The following UXS1 variants were observed in gnomAD, a reference collection of about 807,000 sequenced individuals.
UXS1 encodes UDP-glucuronate decarboxylase 1, also known as UDP-glucuronic acid decarboxylase 1.
In UXS1, 33 loss-of-function variants were observed where a neutral mutation model predicts 62.6. The observed-to-expected ratio is 0.53, with a 90% CI of 0.40 to 0.70. The LOEUF is 0.70. Ranked by LOEUF, UXS1 falls within the 30% of genes least tolerant of loss-of-function variation. The pLI, the probability that UXS1 is intolerant of heterozygous loss-of-function variation, is 0.00. For missense variants in UXS1, 434 were observed against 556.3 expected (o/e 0.78, Z 2.21); for synonymous variants, 213 against 206.8 (o/e 1.03, Z -0.26).
At chr2:106,189,287 ATCAG>A in intron 1 of UXS1, among the ~76,000 whole-genome samples, 1 of 152,348 alleles carries the variant, frequency 6.6e-6, no homozygotes. Context: ...CCACGGATGT[ATCAG>A]TCAGGGCAGG....
chr2:106,166,447 T>C (rs1683217337), intron 1 of UXS1: 1 of 166,536 alleles, frequency 6.0e-6, no homozygotes, highest in Non-Finnish European at 1.3e-5. Flanking sequence ...GGCCATATAT[T>C]GTTTTTTGTA....
At chr2:106,104,366 A>T (rs1677870562) in intron 11 of UXS1, among the ~76,000 whole-genome samples, 1 of 152,228 alleles carries the variant, frequency 6.6e-6, no homozygotes, top group South Asian at 2.1e-4. Flanking sequence ...CGTGAAATTC[A>T]ACATAAGAAC....
At chr2:106,108,986 C>T (rs900059240) in intron 10 of UXS1, among the ~76,000 whole-genome samples, 2 of 152,134 alleles carry the variant, frequency 1.3e-5, no homozygotes, top group African/African-American at 4.8e-5. Flanking sequence ...TTCCTCACCC[C>T]CCATATCCCC....
At chr2:106,183,526 A>G (rs1684376300) in intron 1 of UXS1, 1 of 152,224 alleles carries the variant, frequency 6.6e-6, no homozygotes, top group Admixed American at 6.5e-5. Context: ...GCTTAACCAA[A>G]AAGAAACTGA....
Position 106,145,633 on chromosome 2 carries a change from A to T in UXS1, c.292-263T>A, listed in dbSNP as rs183302374. On this transcript the variant is annotated intron_variant, in intron 5 of 14. Coordinates refer to ENST00000283148, the MANE Select transcript of UXS1 (RefSeq NM_001253875.2). ...GAATACAGAAAAATCATAGTTACAAATTTCAAAATGTCTTTGCTGACTGAG... is the reference window on the plus strand; with the variant it reads ...GAATACAGAAAAATCATAGTTACAATTTTCAAAATGTCTTTGCTGACTGAG... Among the ~76,000 whole-genome samples, 5 of 152,334 alleles carry T rather than the reference A, an allele frequency of 3.3e-5. No homozygotes were observed. The East Asian group carries it at 9.6e-4, about 29-fold the overall frequency.
chr2:106,168,859 T>G (rs1292347976), intron 1 of UXS1, among the ~76,000 whole-genome samples: 1 of 152,166 alleles, frequency 6.6e-6, no homozygotes, highest in East Asian at 1.9e-4. Flanking sequence ...ATATATACAG[T>G]GTGACTCTCA....
At chr2:106,144,881 T>C (rs993851959) in intron 6 of UXS1, among the ~76,000 whole-genome samples, 2 of 152,110 alleles carry the variant, frequency 1.3e-5, no homozygotes, top group Non-Finnish European at 2.9e-5. Flanking sequence ...GATGCCAACA[T>C]ATGAATTTGG....
chr2:106,191,057 C>G (rs1684898501), intron 1 of UXS1, among the ~76,000 whole-genome samples: 1 of 151,964 alleles, frequency 6.6e-6, no homozygotes, highest in Non-Finnish European at 1.5e-5. Context: ...GAAAAAAAAG[C>G]CAACATATGA....
intron 4 of UXS1, chr2:106,159,324 CTT>C (rs1486186435): frequency 6.6e-6 from 1 of 152,214 alleles, no homozygotes; most frequent in African/African-American, 2.4e-5. Context: ...ATTAATGAAA[CTT>C]TGTCTCCTGC....
At chr2:106,141,168 G>T (rs946465012) in intron 6 of UXS1, among the ~76,000 whole-genome samples, 1 of 152,180 alleles carries the variant, frequency 6.6e-6, no homozygotes, top group Non-Finnish European at 1.5e-5. Context: ...TTGGTAAAGA[G>T]ATCTAGCTAG....
intron 1 of UXS1, among the ~76,000 whole-genome samples, chr2:106,174,402 G>A (rs553253487): frequency 9.2e-5 from 14 of 152,320 alleles, no homozygotes; most frequent in African/African-American, 3.4e-4. Flanking sequence ...AAATAATGCA[G>A]AGGGCAGAGC....
chr2:106,143,224 G>C (rs182454008), intron 6 of UXS1, among the ~76,000 whole-genome samples: 11 of 151,128 alleles, frequency 7.3e-5, no homozygotes, highest in South Asian at 2.1e-4. Flanking sequence ...CTGGCTAACA[G>C]GGTGAAACCC....
At position 106,152,257 on chromosome 2, in the gene UXS1, G is replaced by A. The variant is rs1298001104; in HGVS notation, c.291+5801C>T. Among the ~76,000 whole-genome samples, 3 of 152,164 alleles carry A rather than the reference G, an allele frequency of 2.0e-5. No individual in the cohort carries two copies. In the East Asian group the frequency reaches 5.8e-4, roughly 29 times the overall value. On this transcript the variant is annotated intron_variant, in intron 5 of 14. Coordinates refer to ENST00000283148, the MANE Select transcript of UXS1 (RefSeq NM_001253875.2). ...GCCTGAGGTCAGGAGTTCAAGACCA[G>A]CCTGGCCAACATGGTGAAACCCCAC...
At chr2:106,175,858 C>T (rs182502573) in intron 1 of UXS1, among the ~76,000 whole-genome samples, 82 of 152,300 alleles carry the variant, frequency 5.4e-4, no homozygotes, top group African/African-American at 1.9e-3. Flanking sequence ...ATAAATACAA[C>T]GGTAACTGTT....
chr2:106,115,485 C>T (rs2104896328), intron 9 of UXS1, among the ~76,000 whole-genome samples: 1 of 152,316 alleles, frequency 6.6e-6, no homozygotes. Flanking sequence ...TCACTTTATG[C>T]TCTGTGGTTT....
chr2:106,114,309 G>A (rs1465711560), intron 9 of UXS1, among the ~76,000 whole-genome samples: 1 of 152,146 alleles, frequency 6.6e-6, no homozygotes, highest in Admixed American at 6.5e-5. Context: ...AATACTTCAC[G>A]TGAGCCACTC....
intron 9 of UXS1, among the ~76,000 whole-genome samples, chr2:106,119,297 A>G (rs573246043): frequency 3.3e-5 from 5 of 152,244 alleles, no homozygotes; most frequent in Non-Finnish European, 7.4e-5. Flanking sequence ...TTCAGCCTGC[A>G]GGGACAGCCA....
At chr2:106,146,784 A>G (rs1446959269) in intron 5 of UXS1, among the ~76,000 whole-genome samples, 5 of 149,560 alleles carry the variant, frequency 3.3e-5, no homozygotes, top group African/African-American at 1.2e-4. Flanking sequence ...AAAAAAAAAA[A>G]AAAAAAAAAA....
chr2:106,166,290 A>T (rs547656155), intron 1 of UXS1: 1 of 506,640 alleles, frequency 2.0e-6, no homozygotes, highest in South Asian at 3.1e-5. Flanking sequence ...TATTCAGGCC[A>T]AGTTTGAGAA....
Sources: allele counts gnomAD v4.1 joint callset (sites outside exome capture counted in the v4.1 genomes callset), GRCh38; gene constraint gnomAD v4.1.1; transcripts MANE v1.5; gene names NCBI Gene and HGNC (gene_info 2026-07-23, HGNC 2026-07-21).